The following OXTR variants were observed in gnomAD, a reference collection of about 807,000 sequenced individuals.
OXTR encodes oxytocin receptor.
A neutral mutation model predicts 23.9 loss-of-function variants in OXTR; 19 were observed. The observed-to-expected ratio is 0.80, with a 90% CI of 0.56 to 1.17. The LOEUF (loss-of-function observed/expected upper bound fraction) is 1.17, where lower values mean the gene tolerates loss of function less well. Among genes scored for constraint, OXTR ranks in the 50% most tolerant of loss-of-function variants. The pLI is 0.00. For synonymous variants in OXTR, 278 were observed against 250.5 expected, an observed-to-expected ratio of 1.11 and a Z score of -1.04; for missense variants, 500 against 550.7, an observed-to-expected ratio of 0.91 and a Z score of 0.92.
the OXTR span, among the ~76,000 whole-genome samples, chr3:8,741,897 C>A: frequency 2.6e-5 from 4 of 152,220 alleles, 1 homozygote; most frequent in South Asian, 8.3e-4. Context: ...CTTGCTGTTC[C>A]AAAAATAAAT....
chr3:8,746,965 G>A (rs1299082819), downstream of OXTR, among the ~76,000 whole-genome samples: 1 of 152,124 alleles, frequency 6.6e-6, no homozygotes, highest in Non-Finnish European at 1.5e-5. Flanking sequence ...ATTTTCAATA[G>A]ACTTTGGCAC....
chr3:8,749,298 G>A (rs576095837), downstream of OXTR, among the ~76,000 whole-genome samples: 2 of 152,306 alleles, frequency 1.3e-5, no homozygotes, highest in East Asian at 3.9e-4. Flanking sequence ...ACCCGCCAGA[G>A]CTTTCACACG....
At chr3:8,760,904 T>TA (rs60722075) in intron 3 of OXTR, among the ~76,000 whole-genome samples, 63,750 of 151,930 alleles carry the variant, frequency 0.42, 13,917 homozygotes, top group African/African-American at 0.51. Context: ...GGTATTAGTT[T>TA]AAAAAGCAGA....
chr3:8,745,000 T>G, the OXTR span: 1 of 159,554 alleles, frequency 6.3e-6, no homozygotes, highest in African/African-American at 2.4e-5. Context: ...TGATATGGTC[T>G]GGATCTGTGT....
At chr3:8,744,640 G>C in the OXTR span, among the ~76,000 whole-genome samples, 1 of 152,178 alleles carries the variant, frequency 6.6e-6, no homozygotes, top group East Asian at 1.9e-4. Flanking sequence ...AGCTAGGAAG[G>C]TGCTTCATGC....
downstream of OXTR, chr3:8,745,558 G>A (rs777363173): frequency 4.2e-5 from 68 of 1,614,132 alleles, no homozygotes; most frequent in Non-Finnish European, 5.6e-5. The surrounding 1 kb of genome is among the most constrained non-coding windows in gnomAD (Gnocchi z 4.8). Flanking sequence ...CAGAGCCTGT[G>A]GGCACCTACA....
the OXTR span, among the ~76,000 whole-genome samples, chr3:8,744,401 C>T: frequency 6.6e-6 from 1 of 151,386 alleles, no homozygotes; most frequent in African/African-American, 2.4e-5. Flanking sequence ...TCCTCAGCCT[C>T]CCAAGTAGCT....
In OXTR at chr3:8,767,738, G is replaced by A. The variant is rs201572638; in HGVS notation, c.450C>T (p.Arg150=). 4 of 1,609,668 alleles carry A rather than the reference G, an allele frequency of 2.5e-6. No individual in the cohort carries two copies. The highest frequency in any genetic ancestry group is 3.4e-6 in the Non-Finnish European group (4 of 1,178,194). The change falls in exon 3 of 4, where the codon CGC becomes CGT. Residue 150 remains arginine (R), a synonymous_variant. Coordinates refer to ENST00000316793, the MANE Select transcript of OXTR (RefSeq NM_000916.4). ...CGAGCACTGCCAGGCGGTCGGTGCG[G>A]CGGCGCAGCGAGCGCAGCGGCTGGC... is the stretch of plus-strand genomic sequence containing the variant. ...AICQPLRSLR[R]RTDRLAVLAT...
intron 3 of OXTR, among the ~76,000 whole-genome samples, chr3:8,757,762 C>T (rs188984977): frequency 2.7e-4 from 41 of 152,204 alleles, no homozygotes; most frequent in Admixed American, 4.6e-4. Flanking sequence ...GCTGTCCACC[C>T]GGACTCCGCG....
Position 8,752,774 on chromosome 3 carries a change from G to T in OXTR, c.*203C>A, listed in dbSNP as rs1373161286. ...AGGGTGGTAGAAGTACGTGTAGGAGGCCAGGGTGTTGTCTGATGGCTGAGT... is the reference window on the plus strand; with the variant it reads ...AGGGTGGTAGAAGTACGTGTAGGAGTCCAGGGTGTTGTCTGATGGCTGAGT... On this transcript the variant is annotated 3_prime_UTR_variant, in exon 4 of 4. Coordinates refer to ENST00000316793, the MANE Select transcript of OXTR (RefSeq NM_000916.4). The T allele has an allele frequency of 1.7e-6, 1 of 593,930 alleles. No homozygotes were observed. The highest frequency in any genetic ancestry group is 3.0e-6 in the Non-Finnish European group (1 of 338,238). The allele number at this position is 593,930 out of a possible 1,614,324, so 36.8% of individuals were successfully genotyped here.
chr3:8,766,148 C>T (rs1332793317), intron 3 of OXTR, among the ~76,000 whole-genome samples: 1 of 152,162 alleles, frequency 6.6e-6, no homozygotes, highest in Non-Finnish European at 1.5e-5. Context: ...ATCCAGCACG[C>T]GTTATGGGAT....
chr3:8,744,018 A>G, the OXTR span, among the ~76,000 whole-genome samples: 1 of 152,134 alleles, frequency 6.6e-6, no homozygotes, highest in Non-Finnish European at 1.5e-5. Flanking sequence ...AACCAGGAAG[A>G]TTGAAGTTGG....
At chr3:8,759,659 T>C (rs1217299687) in intron 3 of OXTR, among the ~76,000 whole-genome samples, 2 of 152,136 alleles carry the variant, frequency 1.3e-5, no homozygotes, top group African/African-American at 2.4e-5. Context: ...CCCTCAGATA[T>C]GGTCAGGTGG....
rs768743046 is a variant in OXTR, at chr3:8,767,474, C to G, written c.714G>C (p.Ala238=). ...CGCCCTCTGGCGCCTCGGCCGCCGC[C>G]GCTGCAGCGGTCTTGAGCCGCAAGT... is the stretch of plus-strand genomic sequence containing the variant. ...WQNLRLKTAA[A]AAAEAPEGAA... Residue 238 remains alanine, a synonymous_variant, in exon 3 of 4, where the codon GCG becomes GCC. Transcript: ENST00000316793. 3.5e-5 allele frequency: 56 copies of G among 1,603,824 alleles called. No individual in the cohort carries two copies. The Admixed American group carries it at 5.5e-4, about 16-fold the overall frequency.
downstream of OXTR, chr3:8,745,842 AGGT>A: frequency 1.2e-6 from 2 of 1,613,038 alleles, no homozygotes; most frequent in Non-Finnish European, 1.7e-6. This position sits in a 1 kb window ranked among gnomAD's most constrained non-coding sequence, Gnocchi z 4.8. Flanking sequence ...AGCAGCATCA[AGGT>A]GGTGCTGCGG....
At chr3:8,749,473 C>T (rs1159984300), downstream of OXTR, among the ~76,000 whole-genome samples, 1 of 152,168 alleles carries the variant, frequency 6.6e-6, no homozygotes, top group Non-Finnish European at 1.5e-5. Flanking sequence ...TCCCTGGGAA[C>T]AGCAGAGTCC....
In OXTR at chr3:8,752,259, G is replaced by T. The variant is rs1474510659; in HGVS notation, c.*718C>A. On this transcript the variant is annotated 3_prime_UTR_variant, in exon 4 of 4. Coordinates refer to ENST00000316793, the MANE Select transcript of OXTR (RefSeq NM_000916.4). Reference sequence around the variant, plus strand: ...TGTGTGCGTGTGTGTGTGTGTGTGTGTGTGTGAGTTCCTTAGGATTTTCTA... The same window carrying T: ...TGTGTGCGTGTGTGTGTGTGTGTGTTTGTGTGAGTTCCTTAGGATTTTCTA... 6.6e-6 allele frequency: 1 copy of T among 152,082 alleles called. No individual in the cohort carries two copies. The allele number at this position is 152,082 out of a possible 1,614,324, so 9.4% of individuals were successfully genotyped here. A position where few individuals can be genotyped will look rare whatever the true frequency, so the allele number is the denominator to read the frequency against.
chr3:8,746,113 T>C (rs1306474521), downstream of OXTR: 1 of 490,982 alleles, frequency 2.0e-6, no homozygotes, highest in Non-Finnish European at 3.7e-6. Flanking sequence ...GGAAGATCAT[T>C]TGCCAAGAGG....
rs767643335 is a variant in OXTR at position 8,765,220 on chromosome 3, C to T, written c.922+2046G>A. Among the ~76,000 whole-genome samples the T allele has an allele frequency of 1.0e-3, 154 of 152,156 alleles. 1 individual carries two copies. The highest frequency in any genetic ancestry group is 1.6e-3 in the Non-Finnish European group (112 of 68,036). ...AAACTTCGCTTCACGGTACGTGTGA[C>T]GTGTTGACCACACACTCTCCTTCTT... On this transcript the variant is annotated intron_variant, in intron 3 of 3. Coordinates refer to ENST00000316793, the MANE Select transcript of OXTR (RefSeq NM_000916.4).
Sources: gnomAD v4.1 joint callset for allele counts (sites outside exome capture counted in the v4.1 genomes callset) on GRCh38, gnomAD v4.1.1 for gene constraint, Gnocchi (gnomAD v3.1) non-coding constraint, MANE v1.5 for transcripts, NCBI Gene and HGNC (gene_info 2026-07-23, HGNC 2026-07-21) for gene names.